ANKRD2: variants seen among roughly 807,000 people sequenced by gnomAD.
ANKRD2 encodes the protein ankyrin repeat domain 2.
A neutral mutation model predicts 37.3 loss-of-function variants in ANKRD2; 35 were observed. The observed-to-expected ratio is 0.94, with a 90% CI of 0.72 to 1.24. The LOEUF (loss-of-function observed/expected upper bound fraction) is 1.24. Ranked by LOEUF, ANKRD2 falls within the 50% of genes most tolerant of loss-of-function variation. ANKRD2 has a pLI of 0.00. For missense variants in ANKRD2, 410 were observed against 445.6 expected, an observed-to-expected ratio of 0.92 and a Z score of 0.72; for synonymous variants, 159 against 186.5, an observed-to-expected ratio of 0.85 and a Z score of 1.20.
chr10:97,576,510 GC>G lies in ANKRD2; in HGVS notation c.88-1289del, dbSNP rs552615270. On this transcript the variant is annotated intron_variant, in intron 1 of 8. Transcript: ENST00000370655. ...TTCCCCTGAAAGCAATAGTTTCCAA[GC>G]TCTAGACTTCACAGATCAGTGAAAT... Among the ~76,000 whole-genome samples the G allele has an allele frequency of 2.0e-5, 3 of 151,946 alleles. No individual in the cohort carries two copies. In the South Asian group the frequency reaches 6.2e-4, roughly 32 times the overall value.
chr10:97,576,708 A>ATTTATTTT (rs2040830909), intron 1 of ANKRD2, among the ~76,000 whole-genome samples: 1 of 145,456 alleles, frequency 6.9e-6, no homozygotes, highest in Non-Finnish European at 1.5e-5. Context: ...TTATTTATTT[A>ATTTATTTT]TTTTTTGAGA....
chr10:97,581,259 C>A, intron 5 of ANKRD2, 57 bp from the exon 6 acceptor site: 1 of 1,550,426 alleles, frequency 6.4e-7, no homozygotes, highest in Non-Finnish European at 8.9e-7. Flanking sequence ...GGGTACATTA[C>A]CCCCGAATAC....
At chr10:97,577,710 G>GATGT in intron 1 of ANKRD2, 90 bp from the exon 2 acceptor site, 1 of 1,049,946 alleles carries the variant, frequency 9.5e-7, no homozygotes. Context: ...CACCCAGGAG[G>GATGT]ATGTCTCTGT....
intron 6 of ANKRD2, 43 bp downstream of exon 6, chr10:97,581,457 G>T: frequency 6.3e-7 from 1 of 1,599,818 alleles, no homozygotes. Flanking sequence ...TGGGGTGGCT[G>T]TGGGGAGAAA....
chr10:97,579,913 T>C (rs1227399058), intron 4 of ANKRD2, among the ~76,000 whole-genome samples: 1 of 152,214 alleles, frequency 6.6e-6, no homozygotes, highest in Non-Finnish European at 1.5e-5. Flanking sequence ...AGCCATATTT[T>C]CTAAATTTTT....
rs767072290 is a variant in ANKRD2 at position 97,583,592 on chromosome 10, C to G, written c.869C>G (p.Thr290Arg). The G allele has an allele frequency of 1.9e-6, 3 of 1,604,136 alleles. No individual in the cohort carries two copies. The Admixed American group carries it at 5.1e-5, about 27-fold the overall frequency. The change falls in exon 9 of 9, where the codon ACG (threonine) becomes AGG (arginine). Residue 290 changes from threonine to arginine, a missense_variant. Thr to Arg is a moderately conservative substitution (Grantham distance 71). Transcript: ENST00000370655. Reference protein sequence around the residue: ...MTKNLAGKTPTDLVQLWQADT... With the variant: ...MTKNLAGKTPRDLVQLWQADT... ...CCCCTCCAGGCAGGAAAGACCCCGACGGACCTGGTGCAGCTCTGGCAGGCT... is the reference window on the plus strand; with the variant it reads ...CCCCTCCAGGCAGGAAAGACCCCGAGGGACCTGGTGCAGCTCTGGCAGGCT...
At position 97,583,775 on chromosome 10, in the gene ANKRD2, G is replaced by A. The variant is rs115015465; in HGVS notation, c.*50G>A. On this transcript the variant is annotated 3_prime_UTR_variant, in exon 9 of 9. Coordinates refer to ENST00000370655, the MANE Select transcript of ANKRD2 (RefSeq NM_001346793.2). ...ACCCAGCCCCTCTCTGTGTGCAGCC[G>A]GAGGGTCCTAAGAATGGCTCCCGGA... The A allele has an allele frequency of 5.2e-4, 765 of 1,457,448 alleles. 3 individuals are homozygous for A. The African/African-American group carries it at 9.7e-3, about 18-fold the overall frequency. 90.3% of individuals were successfully genotyped at this position (1,457,448 alleles called of 1,614,324 possible).
upstream of ANKRD2, chr10:97,572,446 G>C (rs563936600): frequency 2.0e-6 from 1 of 503,868 alleles, no homozygotes; most frequent in South Asian, 3.3e-5. Context: ...ATCTGGGCTG[G>C]AGCATGCAGC....
rs374892498 is a variant in ANKRD2 at position 97,578,230 on chromosome 10, T to A, written c.190-10T>A. On this transcript the variant is annotated splice_polypyrimidine_tract_variant and intron_variant, in intron 2 of 8. Transcript: ENST00000370655. ...CCCGGCCTGGGGGGTTGATGGGCCA[T>A]CCCGCGCAGGGCCAAGAGCGCGTGC... 4.9e-5 allele frequency: 70 copies of A among 1,425,060 alleles called. No homozygotes were observed. The East Asian group carries it at 1.0e-3, about 21-fold the overall frequency. The allele number at this position is 1,425,060 out of a possible 1,614,324, so 88.3% of individuals were successfully genotyped here.
At chr10:97,582,246 C>T (rs960600526) in intron 6 of ANKRD2, 69 bp from the exon 7 acceptor site, 2 of 1,350,614 alleles carry the variant, frequency 1.5e-6, no homozygotes, top group Non-Finnish European at 1.0e-6. Context: ...GTTAGGACAG[C>T]CCCCGCCTTC....
chr10:97,578,325 G>A lies in ANKRD2; in HGVS notation c.275G>A (p.Arg92Gln), dbSNP rs908442820. ...GGGATCCAGAACCTCATCGAGCTGC[G>A]GAAGAAACGCAAGCAGAAGAAGCGG... The part of the protein sequence containing the change: ...VGGIQNLIEL[R>Q]KKRKQKKRDA... The change falls in exon 3 of 9, where the codon CGG becomes CAG. Residue 92 changes from arginine to glutamine, a missense_variant. Transcript: ENST00000370655. The A allele has an allele frequency of 6.2e-7, 1 of 1,613,412 alleles. No individual in the cohort carries two copies. The highest frequency in any genetic ancestry group is 1.3e-5 in the African/African-American group (1 of 74,994).
intron 1 of ANKRD2, among the ~76,000 whole-genome samples, chr10:97,576,492 G>C (rs150788229): frequency 1.1e-3 from 169 of 151,982 alleles, no homozygotes; most frequent in African/African-American, 2.4e-3. Context: ...AAGTTCCCCT[G>C]AAAGCAATAG....
Sources: allele counts gnomAD v4.1 joint callset (sites outside exome capture counted in the v4.1 genomes callset), GRCh38; gene constraint gnomAD v4.1.1; transcripts MANE v1.5; gene names NCBI Gene and HGNC (gene_info 2026-07-23, HGNC 2026-07-21).